The following VGLL4 variants were observed in gnomAD, a reference collection of about 807,000 sequenced individuals.
VGLL4 encodes the protein vestigial like family member 4, also known as transcription cofactor vestigial-like protein 4.
In VGLL4, 7 loss-of-function variants were observed where a neutral mutation model predicts 21.0. The ratio of observed to expected loss-of-function variants is 0.33; its 90% CI spans 0.19 to 0.63. The LOEUF is 0.63. Ranked by LOEUF, VGLL4 falls within the 20% of genes least tolerant of loss-of-function variation. The pLI, the probability that VGLL4 is intolerant of heterozygous loss-of-function variation, is 0.78. For synonymous variants in VGLL4, 222 were observed against 173.2 expected, an observed-to-expected ratio of 1.28 and a Z score of -2.21; for missense variants, 394 against 425.7, an observed-to-expected ratio of 0.93 and a Z score of 0.66.
chr3:11,569,233 C>G (rs1191244117), intron 2 of VGLL4, among the ~76,000 whole-genome samples: 1 of 152,222 alleles, frequency 6.6e-6, no homozygotes, highest in Non-Finnish European at 1.5e-5. Flanking sequence ...ACGTTCTGAG[C>G]CTGCGCTGGG....
intron 1 of VGLL4, among the ~76,000 whole-genome samples, chr3:11,603,496 G>T (rs989343987): frequency 1.3e-4 from 20 of 152,070 alleles, no homozygotes; most frequent in African/African-American, 7.2e-5. Flanking sequence ...TCATAAATTA[G>T]AAAAATATCC....
intron 1 of VGLL4, among the ~76,000 whole-genome samples, chr3:11,716,870 T>C (rs1354159917): frequency 6.6e-6 from 1 of 152,096 alleles, no homozygotes; most frequent in Non-Finnish European, 1.5e-5. Flanking sequence ...TTTACTCTTC[T>C]ATTAAACACC....
At position 11,632,848 on chromosome 3, in the gene VGLL4, A is replaced by G. The variant is rs75281883; in HGVS notation, c.82+10589T>C. Among the ~76,000 whole-genome samples, 855 of 152,348 alleles carry G rather than the reference A, an allele frequency of 5.6e-3. 6 individuals are homozygous for G. The highest frequency in any genetic ancestry group is 0.02 in the African/African-American group (825 of 41,578). On this transcript the variant is annotated intron_variant, in intron 1 of 4. Transcript: ENST00000430365. ...TTGCTAGCAGCCATATCCCCAGCAC[A>G]TAAAACAGTTCCTGGCACATAATGG...
intron 2 of VGLL4, among the ~76,000 whole-genome samples, chr3:11,588,674 C>T (rs2074414793): frequency 6.6e-6 from 1 of 152,226 alleles, no homozygotes; most frequent in South Asian, 2.1e-4. Flanking sequence ...CAGGCAATGA[C>T]AGGAGGAAGG....
intron 2 of VGLL4, among the ~76,000 whole-genome samples, chr3:11,651,779 A>C (rs17034978): frequency 0.14 from 21,632 of 152,122 alleles, 1,760 homozygotes; most frequent in African/African-American, 0.22. Flanking sequence ...CAGCGACATA[A>C]ACCAAATATC....
intron 1 of VGLL4, among the ~76,000 whole-genome samples, chr3:11,642,205 C>T (rs768327030): frequency 6.6e-6 from 1 of 152,048 alleles, no homozygotes; most frequent in Non-Finnish European, 1.5e-5. Context: ...ATTCTCATAG[C>T]AGGAACTAGT....
At position 11,558,039 on chromosome 3, in the gene VGLL4, AAAGTT is replaced by A. The variant is rs1186290837; in HGVS notation, c.*512_*516del. 4 of 157,876 alleles carry A rather than the reference AAAGTT, an allele frequency of 2.5e-5. No individual in the cohort carries two copies. Among genetic ancestry groups the A allele is most frequent in the Admixed American group, 2.4e-4 (4 of 16,470 alleles). The allele number at this position is 157,876 out of a possible 1,614,324, so 9.8% of individuals were successfully genotyped here. On this transcript the variant is annotated 3_prime_UTR_variant, in exon 5 of 5. Transcript: ENST00000430365. ...CCCTCAGAGTTCTGGCATAACACAT[AAAGTT>A]GTCAGGCAACTTTAGTCCTCCTCCA... is the stretch of plus-strand genomic sequence containing the variant.
At chr3:11,661,062 T>C (rs2076030119) in intron 2 of VGLL4, among the ~76,000 whole-genome samples, 1 of 152,154 alleles carries the variant, frequency 6.6e-6, no homozygotes, top group African/African-American at 2.4e-5. Context: ...ACCCTGCTAG[T>C]TGATCGATTC....
chr3:11,595,248 G>C (rs2074608092), intron 2 of VGLL4, among the ~76,000 whole-genome samples: 1 of 152,192 alleles, frequency 6.6e-6, no homozygotes, highest in Non-Finnish European at 1.5e-5. Flanking sequence ...AAGAAAGAAG[G>C]GGAAATGCAG....
chr3:11,717,777 T>C (rs945489666), intron 1 of VGLL4, among the ~76,000 whole-genome samples: 1 of 152,192 alleles, frequency 6.6e-6, no homozygotes, highest in Non-Finnish European at 1.5e-5. Flanking sequence ...TTTCAAAGCT[T>C]CAAAGAATTT....
At chr3:11,580,619 C>T (rs538332545) in intron 2 of VGLL4, among the ~76,000 whole-genome samples, 486 of 152,332 alleles carry the variant, frequency 3.2e-3, no homozygotes, top group African/African-American at 0.011. Context: ...ACGTTTGGCC[C>T]TCTCTACTAG....
chr3:11,692,270 T>C (rs560235135), intron 2 of VGLL4, among the ~76,000 whole-genome samples: 4 of 152,196 alleles, frequency 2.6e-5, no homozygotes, highest in Non-Finnish European at 5.9e-5. Flanking sequence ...TTATGCTAAT[T>C]TGATCTGATA....
At chr3:11,670,686 C>T (rs1373647228) in intron 2 of VGLL4, among the ~76,000 whole-genome samples, 1 of 152,002 alleles carries the variant, frequency 6.6e-6, no homozygotes, top group Non-Finnish European at 1.5e-5. Context: ...TCTTTGGAAC[C>T]CACTGATTGA....
In VGLL4 at chr3:11,719,303, C is replaced by G. The variant is rs890122651; in HGVS notation, c.-14+1091G>C. 5.4e-4 allele frequency: 82 copies of G among 152,578 alleles called. No homozygotes were observed. Among genetic ancestry groups the G allele is most frequent in the African/African-American group, 1.9e-3 (80 of 41,576 alleles). 9.5% of individuals were successfully genotyped at this position (152,578 alleles called of 1,614,324 possible). ...CGGCCCGGCAAGGACCCGCCACCTC[C>G]TCCCTCCCGCAGGGCATCCCGGTTC... is the stretch of plus-strand genomic sequence containing the variant. On this transcript the variant is annotated intron_variant, in intron 1 of 5. Coordinates refer to the VGLL4 transcript ENST00000273038. The surrounding 1 kb of genome is among the most constrained non-coding windows in gnomAD (Gnocchi z 4.0).
At chr3:11,709,690 A>C (rs1278254017) in intron 1 of VGLL4, among the ~76,000 whole-genome samples, 1 of 152,060 alleles carries the variant, frequency 6.6e-6, no homozygotes, top group African/African-American at 2.4e-5. Flanking sequence ...CAAATAACTA[A>C]AGGTTGAGAA....
At chr3:11,581,654 G>A (rs2074231521) in intron 2 of VGLL4, among the ~76,000 whole-genome samples, 1 of 152,182 alleles carries the variant, frequency 6.6e-6, no homozygotes, top group African/African-American at 2.4e-5. Flanking sequence ...AATTGGTCCT[G>A]CACTCTAAGG....
chr3:11,705,942 T>C (rs900223009), intron 1 of VGLL4, among the ~76,000 whole-genome samples: 4 of 151,454 alleles, frequency 2.6e-5, no homozygotes, highest in African/African-American at 7.3e-5. Context: ...AAAAAAGATC[T>C]TGTGATTTGG....
intron 2 of VGLL4, among the ~76,000 whole-genome samples, chr3:11,593,614 A>G (rs765902289): frequency 6.6e-6 from 1 of 152,224 alleles, no homozygotes; most frequent in Non-Finnish European, 1.5e-5. Context: ...ATGAAGGATG[A>G]AAGGACAATG....
chr3:11,683,982 G>A (rs915540677), intron 2 of VGLL4, among the ~76,000 whole-genome samples: 14 of 152,072 alleles, frequency 9.2e-5, no homozygotes, highest in African/African-American at 1.7e-4. Context: ...AGGCCAAGGC[G>A]GGTGGATCAC....
Sources: gnomAD v4.1 joint callset for allele counts (sites outside exome capture counted in the v4.1 genomes callset) on GRCh38, gnomAD v4.1.1 for gene constraint, Gnocchi (gnomAD v3.1) non-coding constraint, MANE v1.5 for transcripts, NCBI Gene and HGNC (gene_info 2026-07-23, HGNC 2026-07-21) for gene names.